The following ZNRF2 variants were observed in gnomAD, a reference collection of about 807,000 sequenced individuals.
ZNRF2 encodes the protein zinc and ring finger 2.
In ZNRF2, 16 loss-of-function variants were observed where a neutral mutation model predicts 20.4. The observed-to-expected ratio is 0.79, with a 90% CI of 0.53 to 1.19. ZNRF2 has a LOEUF of 1.19. ZNRF2 is among the 50% of genes most tolerant of loss of function. The pLI is 0.00. For synonymous variants in ZNRF2, 178 were observed against 144.9 expected (o/e 1.23, Z -1.64); for missense variants, 363 against 332.4 (o/e 1.09, Z -0.72).
intron 1 of ZNRF2, among the ~76,000 whole-genome samples, chr7:30,310,110 T>G (rs1049840746): frequency 1.3e-5 from 2 of 151,110 alleles, no homozygotes. Flanking sequence ...TGTAGATGTC[T>G]AAAGAATTGG....
chr7:30,337,012 C>T (rs1229885661), intron 2 of ZNRF2, among the ~76,000 whole-genome samples: 2 of 152,134 alleles, frequency 1.3e-5, no homozygotes, highest in Non-Finnish European at 2.9e-5. Flanking sequence ...TCTACATAGT[C>T]TGACAAATTT....
chr7:30,357,627 A>G (rs1486742213), intron 3 of ZNRF2, among the ~76,000 whole-genome samples: 1 of 152,214 alleles, frequency 6.6e-6, no homozygotes, highest in African/African-American at 2.4e-5. Flanking sequence ...ATGACACACT[A>G]GAGACCCACA....
At chr7:30,302,426 G>A (rs1020037515) in intron 1 of ZNRF2, among the ~76,000 whole-genome samples, 2 of 152,078 alleles carry the variant, frequency 1.3e-5, no homozygotes, top group African/African-American at 2.4e-5. Context: ...TCTGGTCATA[G>A]GAAGATGACC....
chr7:30,315,755 G>A (rs1799363225), intron 1 of ZNRF2, among the ~76,000 whole-genome samples: 1 of 131,990 alleles, frequency 7.6e-6, no homozygotes, highest in Non-Finnish European at 1.6e-5. Context: ...GTATAAAGAC[G>A]CCTACAGGGC....
rs1230212595 is a variant in ZNRF2 at position 30,295,064 on chromosome 7, T to A, written c.469+9238T>A. Reference sequence around the variant, plus strand: ...GAGAGAGAGAGAGTGTGTGTGTGTGTGTGTGTGTGTGTGTGTGTGTGTGTG... The same window carrying A: ...GAGAGAGAGAGAGTGTGTGTGTGTGAGTGTGTGTGTGTGTGTGTGTGTGTG... On this transcript the variant is annotated intron_variant, in intron 1 of 4. Coordinates refer to ENST00000323037, the MANE Select transcript of ZNRF2 (RefSeq NM_147128.4). Among the ~76,000 whole-genome samples the A allele has an allele frequency of 5.8e-3, 719 of 123,422 alleles. 6 individuals carry two copies. Among genetic ancestry groups the A allele is most frequent in the African/African-American group, 0.012 (300 of 24,432 alleles). The allele number at this position is 123,422 out of a possible 152,430, so 81.0% of individuals were successfully genotyped here.
intron 2 of ZNRF2, among the ~76,000 whole-genome samples, chr7:30,351,204 CAG>C (rs1384103296): frequency 6.6e-6 from 1 of 151,788 alleles, no homozygotes; most frequent in Non-Finnish European, 1.5e-5. Context: ...TATCAAGTAA[CAG>C]AAGTTTGTAA....
At chr7:30,303,440 T>TC (rs1799151381) in intron 1 of ZNRF2, among the ~76,000 whole-genome samples, 1 of 152,156 alleles carries the variant, frequency 6.6e-6, no homozygotes, top group Non-Finnish European at 1.5e-5. Context: ...TGGGCTCCAC[T>TC]CCAAGTTTCT....
chr7:30,312,854 CTT>C (rs1433767431), intron 1 of ZNRF2, among the ~76,000 whole-genome samples: 3 of 152,052 alleles, frequency 2.0e-5, no homozygotes, highest in African/African-American at 7.2e-5. Flanking sequence ...AGTAATTTCT[CTT>C]TTGTTTATAT....
chr7:30,304,717 T>G (rs1799172941), intron 1 of ZNRF2, among the ~76,000 whole-genome samples: 1 of 152,158 alleles, frequency 6.6e-6, no homozygotes, highest in African/African-American at 2.4e-5. Flanking sequence ...TAAGGGATAT[T>G]CATCATATAG....
chr7:30,300,629 A>G (rs1266967037), intron 1 of ZNRF2, among the ~76,000 whole-genome samples: 1 of 152,258 alleles, frequency 6.6e-6, no homozygotes, highest in Non-Finnish European at 1.5e-5. Flanking sequence ...CACTACAGCA[A>G]AGTGGGATAT....
At chr7:30,313,033 A>G (rs1009646129) in intron 1 of ZNRF2, among the ~76,000 whole-genome samples, 1 of 152,206 alleles carries the variant, frequency 6.6e-6, no homozygotes, top group African/African-American at 2.4e-5. Flanking sequence ...AAAACGAAAC[A>G]CTTGATAAGT....
At chr7:30,356,954 C>T (rs1280542094) in intron 3 of ZNRF2, among the ~76,000 whole-genome samples, 4 of 152,122 alleles carry the variant, frequency 2.6e-5, no homozygotes, top group Non-Finnish European at 5.9e-5. Flanking sequence ...ATGTGCCCGC[C>T]TTGGCCTCCC....
chr7:30,327,205 C>T (rs1313966181), intron 2 of ZNRF2, among the ~76,000 whole-genome samples: 2 of 152,056 alleles, frequency 1.3e-5, no homozygotes, highest in Admixed American at 6.6e-5. Flanking sequence ...GAAATCTTTG[C>T]CTGTTCTTAT....
At chr7:30,291,035 C>T (rs540410690) in intron 1 of ZNRF2, among the ~76,000 whole-genome samples, 27 of 152,094 alleles carry the variant, frequency 1.8e-4, no homozygotes, top group Admixed American at 5.2e-4. Context: ...GTATCTTTGT[C>T]TAGGCTGGTC....
Position 30,285,112 on chromosome 7 carries a change from A to G in ZNRF2, c.-246A>G, listed in dbSNP as rs987328772. Reference sequence around the variant, plus strand: ...CCAGCGAGGGGTGCCTGCAGCCGGGACCCCTTCCTCTCCGCGTCTCCTCGT... The same window carrying G: ...CCAGCGAGGGGTGCCTGCAGCCGGGGCCCCTTCCTCTCCGCGTCTCCTCGT... On this transcript the variant is annotated 5_prime_UTR_variant, in exon 1 of 5. Coordinates refer to ENST00000323037, the MANE Select transcript of ZNRF2 (RefSeq NM_147128.4). The G allele has an allele frequency of 2.4e-6, 1 of 416,842 alleles. No individual in the cohort carries two copies. The highest frequency in any genetic ancestry group is 4.7e-6 in the Non-Finnish European group (1 of 212,830). The allele number at this position is 416,842 out of a possible 1,614,324, so 25.8% of individuals were successfully genotyped here.
At chr7:30,362,002 T>A (rs571597802) in intron 3 of ZNRF2, among the ~76,000 whole-genome samples, 22 of 152,338 alleles carry the variant, frequency 1.4e-4, no homozygotes, top group African/African-American at 5.3e-4. Flanking sequence ...AGCCGTTTTT[T>A]AATACATTTA....
intron 2 of ZNRF2, among the ~76,000 whole-genome samples, chr7:30,337,968 A>G (rs1799741490): frequency 6.6e-6 from 1 of 152,108 alleles, no homozygotes; most frequent in Admixed American, 6.6e-5. Flanking sequence ...TATTCTTCCC[A>G]CAGTACACTT....
intron 2 of ZNRF2, among the ~76,000 whole-genome samples, chr7:30,339,646 A>G (rs752529787): frequency 3.1e-4 from 47 of 152,188 alleles, no homozygotes; most frequent in African/African-American, 1.0e-3. Context: ...TACCAGTACT[A>G]TGCTGCTTTG....
chr7:30,301,706 A>T (rs1302699800), intron 1 of ZNRF2, among the ~76,000 whole-genome samples: 1 of 151,292 alleles, frequency 6.6e-6, no homozygotes, highest in Non-Finnish European at 1.5e-5. Context: ...TTTTTAAAAA[A>T]AAAAAAAAAA....
Sources: gnomAD v4.1 joint callset for allele counts (sites outside exome capture counted in the v4.1 genomes callset) on GRCh38, gnomAD v4.1.1 for gene constraint, MANE v1.5 for transcripts, NCBI Gene and HGNC (gene_info 2026-07-23, HGNC 2026-07-21) for gene names.